The following STIL variants were observed in gnomAD, a reference collection of about 807,000 sequenced individuals.
STIL encodes the protein STIL centriolar assembly protein, also known as SCL-interrupting locus protein.
In STIL, 55 loss-of-function variants were observed where a neutral mutation model predicts 110.1. That is an observed-to-expected ratio of 0.50 (90% CI 0.40 to 0.63). The LOEUF (loss-of-function observed/expected upper bound fraction) is 0.63. STIL is among the 20% of genes least tolerant of loss of function. The pLI is 0.00. For synonymous variants in STIL, 481 were observed against 530.0 expected (o/e 0.91, Z 1.27); for missense variants, 1,358 against 1,530.0 (o/e 0.89, Z 1.87).
intron 15 of STIL, among the ~76,000 whole-genome samples, chr1:47,261,666 G>T (rs890447595): frequency 3.0e-4 from 46 of 151,900 alleles, no homozygotes; most frequent in African/African-American, 1.1e-3. Flanking sequence ...CTTGAACCTG[G>T]GAGGCAGAAG....
intron 8 of STIL, among the ~76,000 whole-genome samples, chr1:47,290,504 G>A (rs1645452081): frequency 6.6e-6 from 1 of 152,102 alleles, no homozygotes; most frequent in Non-Finnish European, 1.5e-5. Flanking sequence ...AGGAGATCGA[G>A]ACCATCCTGG....
At chr1:47,281,749 G>A (rs1424117003) in intron 11 of STIL, among the ~76,000 whole-genome samples, 1 of 152,072 alleles carries the variant, frequency 6.6e-6, no homozygotes, top group Non-Finnish European at 1.5e-5. Context: ...TCGCTGTGAT[G>A]AATTTGGTTA....
intron 1 of STIL, among the ~76,000 whole-genome samples, chr1:47,312,212 C>T (rs11211512): frequency 0.23 from 34,958 of 151,932 alleles, 4,681 homozygotes; most frequent in Non-Finnish European, 0.32. Context: ...TTGACTAGGC[C>T]GGACACGGTA....
chr1:47,262,779 T>C, intron 15 of STIL, 124 bp downstream of exon 15: 2 of 834,180 alleles, frequency 2.4e-6, no homozygotes, highest in Non-Finnish European at 3.8e-6. Context: ...AATTACATTG[T>C]TAATTAGACA....
In STIL at chr1:47,251,086, T is replaced by C; in HGVS notation, c.*50A>G. 1 of 1,555,588 alleles carries C rather than the reference T, an allele frequency of 6.4e-7. No individual in the cohort carries two copies. Among genetic ancestry groups the C allele is most frequent in the Non-Finnish European group, 8.7e-7 (1 of 1,144,982 alleles). ...GGTAGGCTCCTGTTTTCCCTAAGTA[T>C]CTTCAGGAGACACCCTGTCCCTGTA... On this transcript the variant is annotated 3_prime_UTR_variant, in exon 17 of 17. Coordinates refer to ENST00000371877, the MANE Select transcript of STIL (RefSeq NM_001048166.1).
At chr1:47,275,216 A>G (rs555678030) in intron 12 of STIL, among the ~76,000 whole-genome samples, 1 of 152,204 alleles carries the variant, frequency 6.6e-6, no homozygotes, top group Non-Finnish European at 1.5e-5. Flanking sequence ...TATTAAATAA[A>G]TATGTGAGTC....
chr1:47,265,298 A>C (rs1330510899), intron 14 of STIL, among the ~76,000 whole-genome samples: 1 of 150,792 alleles, frequency 6.6e-6, no homozygotes, highest in African/African-American at 2.4e-5. Flanking sequence ...CAATCTGAAA[A>C]CCCCCATTAT....
chr1:47,263,558 G>A (rs963846684), intron 14 of STIL, among the ~76,000 whole-genome samples: 1 of 151,994 alleles, frequency 6.6e-6, no homozygotes, highest in African/African-American at 2.4e-5. Flanking sequence ...AAACAAAAAC[G>A]AAAACACCTC....
intron 13 of STIL, among the ~76,000 whole-genome samples, chr1:47,271,730 T>C (rs1441594224): frequency 6.6e-6 from 1 of 151,238 alleles, no homozygotes; most frequent in Admixed American, 6.6e-5. Flanking sequence ...TGCTTGAACC[T>C]AGGATGGTGG....
intron 16 of STIL, among the ~76,000 whole-genome samples, chr1:47,252,260 T>C (rs139645069): frequency 6.6e-6 from 1 of 152,292 alleles, no homozygotes; most frequent in Non-Finnish European, 1.5e-5. Flanking sequence ...TGCACATTTA[T>C]AGTCCCAACT....
At chr1:47,311,594 A>C (rs1025917049) in intron 1 of STIL, among the ~76,000 whole-genome samples, 36 of 152,130 alleles carry the variant, frequency 2.4e-4, no homozygotes, top group African/African-American at 8.7e-4. Flanking sequence ...GATGTTTCAA[A>C]TCCATATTTC....
intron 14 of STIL, among the ~76,000 whole-genome samples, chr1:47,265,259 A>AAC (rs1644613739): frequency 2.7e-5 from 4 of 150,544 alleles, no homozygotes; most frequent in African/African-American, 4.9e-5. Context: ...AAAAAAAAAA[A>AAC]ACACAAGATT....
At position 47,295,789 on chromosome 1, in the gene STIL, A is replaced by T. The variant is rs1193470537; in HGVS notation, c.761T>A (p.Val254Asp). Residue 254 changes from valine (V) to aspartate (D), a missense_variant, in exon 7 of 17, where the codon GTT becomes GAT. By Grantham distance (152) the Val-to-Asp change is radical. Transcript: ENST00000371877. ...CATTCCCACCAATGGTAGAGAATAA[A>T]CCTTGGGATCAGATTCCAACAAAAG... Reference protein sequence around the residue: ...LLLLLESDPKVYSLPLVGIWL... With the variant: ...LLLLLESDPKDYSLPLVGIWL... 6.2e-7 allele frequency: 1 copy of T among 1,612,508 alleles called. No homozygotes were observed. Among genetic ancestry groups the T allele is most frequent in the Non-Finnish European group, 8.5e-7 (1 of 1,178,864 alleles).
chr1:47,255,535 C>T (rs1056457302), intron 16 of STIL, among the ~76,000 whole-genome samples: 4 of 127,496 alleles, frequency 3.1e-5, no homozygotes, highest in Non-Finnish European at 4.8e-5. Context: ...GGCAACAGAG[C>T]GAGACCCTGT....
At position 47,260,417 on chromosome 1, in the gene STIL, T is replaced by A; in HGVS notation, c.2952A>T (p.Thr984=). 6.2e-7 allele frequency: 1 copy of A among 1,614,234 alleles called. No individual in the cohort carries two copies. The highest frequency in any genetic ancestry group is 8.5e-7 in the Non-Finnish European group (1 of 1,180,036). ...CTTTGTCCACCAGTCTTGAATGATG[T>A]GTTTTTTTCTTTGTATGGTAAACGT... The part of the protein sequence containing the change: ...TQNVYHTKKK[T]HHSRLVDKDC... The change falls in exon 16 of 17, where the codon ACA becomes ACT. Residue 984 remains threonine (T), a synonymous_variant. Transcript: ENST00000371877.
intron 6 of STIL, 41 bp downstream of exon 6, chr1:47,299,864 C>T: frequency 6.3e-7 from 1 of 1,585,746 alleles, no homozygotes; most frequent in Non-Finnish European, 8.6e-7. Context: ...TGAAAATATA[C>T]TAATGCAACT....
intron 7 of STIL, 66 bp downstream of exon 7, chr1:47,295,699 C>T (rs1265138872): frequency 9.2e-7 from 1 of 1,087,964 alleles, no homozygotes; most frequent in Non-Finnish European, 1.4e-6. Flanking sequence ...ACAACTGAGT[C>T]ACATGCTTAT....
intron 12 of STIL, 72 bp downstream of exon 12, chr1:47,280,169 G>A: frequency 1.3e-6 from 2 of 1,586,878 alleles, no homozygotes; most frequent in East Asian, 2.2e-5. Flanking sequence ...CATCATTACT[G>A]AGGAGAGGTG....
chr1:47,309,564 T>C (rs1646063093), intron 2 of STIL, among the ~76,000 whole-genome samples: 1 of 152,014 alleles, frequency 6.6e-6, no homozygotes, highest in Non-Finnish European at 1.5e-5. Context: ...AAGAAAGACA[T>C]TACAGAGAAT....
Sources: gnomAD v4.1 joint callset for allele counts (sites outside exome capture counted in the v4.1 genomes callset) on GRCh38, gnomAD v4.1.1 for gene constraint, MANE v1.5 for transcripts, NCBI Gene and HGNC (gene_info 2026-07-23, HGNC 2026-07-21) for gene names.